The following OSBPL9 variants were observed in gnomAD, a reference collection of about 807,000 sequenced individuals.
OSBPL9 encodes the protein oxysterol binding protein like 9, also known as oxysterol-binding protein-related protein 9.
A neutral mutation model predicts 106.6 loss-of-function variants in OSBPL9; 40 were observed. The ratio of observed to expected loss-of-function variants is 0.38; its 90% confidence interval spans 0.29 to 0.49. OSBPL9 has a LOEUF of 0.49. OSBPL9 is among the 20% of genes least tolerant of loss of function. OSBPL9 has a pLI of 0.97. For synonymous variants in OSBPL9, 269 were observed against 295.4 expected, an observed-to-expected ratio of 0.91 and a Z score of 0.92; for missense variants, 609 against 887.2, an observed-to-expected ratio of 0.69 and a Z score of 3.98.
At chr1:51,641,464 G>A (rs1377041967) in intron 1 of OSBPL9, among the ~76,000 whole-genome samples, 1 of 152,078 alleles carries the variant, frequency 6.6e-6, no homozygotes, top group Non-Finnish European at 1.5e-5. Flanking sequence ...CTCACATTAA[G>A]TAAGCCATAG....
At chr1:51,603,490 A>G (rs1300138509) in intron 2 of OSBPL9, among the ~76,000 whole-genome samples, 1 of 152,214 alleles carries the variant, frequency 6.6e-6, no homozygotes, top group Non-Finnish European at 1.5e-5. Context: ...ACAAAAACCC[A>G]GTGAGGTTCA....
chr1:51,616,996 A>C (rs540426998), upstream of OSBPL9: 118 of 1,496,510 alleles, frequency 7.9e-5, no homozygotes, highest in Middle Eastern at 1.2e-3. Context: ...ATCTGCCGGC[A>C]CCGCCCAGGA....
At chr1:51,713,108 AG>A (rs1660389834) in intron 3 of OSBPL9, among the ~76,000 whole-genome samples, 1 of 152,040 alleles carries the variant, frequency 6.6e-6, no homozygotes, top group Admixed American at 6.5e-5. Flanking sequence ...TGGCCTGAAA[AG>A]GCTTGTGTGG....
intron 1 of OSBPL9, among the ~76,000 whole-genome samples, chr1:51,634,744 C>T (rs576330923): frequency 1.3e-5 from 2 of 152,248 alleles, no homozygotes; most frequent in African/African-American, 4.8e-5. Flanking sequence ...CAGAGCCATA[C>T]CTGAGACTGG....
intron 2 of OSBPL9, among the ~76,000 whole-genome samples, chr1:51,658,515 A>G (rs1334000075): frequency 6.6e-6 from 1 of 152,224 alleles, no homozygotes; most frequent in East Asian, 1.9e-4. Flanking sequence ...TTTGAAAACT[A>G]TTAATCTACA....
At chr1:51,775,896 C>A (rs773350998) in intron 14 of OSBPL9, among the ~76,000 whole-genome samples, 47 of 152,274 alleles carry the variant, frequency 3.1e-4, no homozygotes, top group Non-Finnish European at 3.8e-4. Flanking sequence ...TAGGCACAAG[C>A]CAGTATGCCC....
At chr1:51,582,694 G>A (rs563392161) in intron 1 of OSBPL9, 1 of 152,046 alleles carries the variant, frequency 6.6e-6, no homozygotes, top group South Asian at 2.1e-4. Context: ...GTTTATTAAG[G>A]GTTTATTATG....
chr1:51,597,394 A>G (rs1262594722), intron 1 of OSBPL9, among the ~76,000 whole-genome samples: 2 of 149,358 alleles, frequency 1.3e-5, no homozygotes, highest in Non-Finnish European at 3.0e-5. Context: ...TCAGAGTCCT[A>G]TGGAATATAT....
chr1:51,762,026 TG>T, intron 11 of OSBPL9, 55 bp downstream of exon 11: 1 of 1,295,440 alleles, frequency 7.7e-7, no homozygotes, highest in Non-Finnish European at 1.1e-6. Flanking sequence ...ATTTGAGGTT[TG>T]TTTGTGACCT....
Position 51,664,682 on chromosome 1 carries a change from ACTCTGTTTCAAAAAT to A in OSBPL9, c.163-4751_163-4737del, listed in dbSNP as rs376550951. Among the ~76,000 whole-genome samples, 358 of 152,174 alleles carry A rather than the reference ACTCTGTTTCAAAAAT, an allele frequency of 2.4e-3. 1 individual carries two copies. Among genetic ancestry groups the A allele is most frequent in the African/African-American group, 8.3e-3 (343 of 41,506 alleles). ...AGTCCAACCTTGGCAACAGAGTAAG[ACTCTGTTTCAAAAAT>A]AAATAAATAAATAAATAAGTTCAAA... On this transcript the variant is annotated intron_variant, in intron 2 of 23. Coordinates refer to ENST00000428468, the MANE Select transcript of OSBPL9 (RefSeq NM_024586.6).
chr1:51,530,590 C>CA, the OSBPL9 span, among the ~76,000 whole-genome samples: 36 of 147,846 alleles, frequency 2.4e-4, no homozygotes, highest in South Asian at 6.4e-4. Context: ...GTCTCTTAAA[C>CA]AAAAAAAAAA....
Position 51,786,542 on chromosome 1 carries a change from T to C in OSBPL9, c.1925T>C (p.Val642Ala). The change falls in exon 22 of 24, where the codon GTA (valine) becomes GCA (alanine). Residue 642 changes from valine to alanine, a missense_variant. Val to Ala is a moderately conservative substitution (Grantham distance 64, BLOSUM62 0). This residue lies in a region of OSBPL9 where 132 missense variants were observed against 158.1 expected (regional missense o/e 0.83). Transcript: ENST00000428468. ...GTTTTCTAGGAAAATACAGTCTTTG[T>C]AGATACCAAGAAGTTGCCTATAATC... ...KYATGENTVF[V>A]DTKKLPIIKK... is the part of the protein sequence containing the mutation. 6.2e-7 allele frequency: 1 copy of C among 1,608,588 alleles called. No individual in the cohort carries two copies. Among genetic ancestry groups the C allele is most frequent in the East Asian group, 2.2e-5 (1 of 44,818 alleles).
At chr1:51,748,478 T>G (rs1382501349) in intron 7 of OSBPL9, 80 bp downstream of exon 7, 1 of 1,333,156 alleles carries the variant, frequency 7.5e-7, no homozygotes, top group Non-Finnish European at 9.8e-7. Flanking sequence ...GCTGCCACTA[T>G]TGATGACAGC....
In OSBPL9 at chr1:51,583,976, A is replaced by G. The variant is rs190425596; in HGVS notation, c.-423+6720A>G. ...CTGCTGTCACCATTAGCCCTCCCCC[A>G]TACCTGAACTAATGATCCCACAATT... On this transcript the variant is annotated intron_variant, in intron 1 of 25. Transcript: ENST00000371714. Among the ~76,000 whole-genome samples, 209 of 152,084 alleles carry G rather than the reference A, an allele frequency of 1.4e-3. 1 individual carries two copies. The highest frequency in any genetic ancestry group is 2.4e-3 in the Non-Finnish European group (164 of 67,988).
rs1039712918 is a variant in OSBPL9, at chr1:51,729,611, C to G, written c.318+15532C>G. 4.8e-6 allele frequency: 1 copy of G among 207,806 alleles called. No individual in the cohort carries two copies. Among genetic ancestry groups the G allele is most frequent in the Non-Finnish European group, 9.4e-6 (1 of 106,942 alleles). 12.9% of individuals were successfully genotyped at this position (207,806 alleles called of 1,614,324 possible). On this transcript the variant is annotated intron_variant, in intron 4 of 23. Transcript: ENST00000428468. The surrounding 1 kb of genome is among the most constrained non-coding windows in gnomAD (Gnocchi z 5.1). ...GGGCGGGGCGCTCCGGACGCCCTCC[C>G]GCCGCTGCGCACCCCTCCCGCGAGC...
At chr1:51,573,162 A>G (rs945547024), upstream of OSBPL9, among the ~76,000 whole-genome samples, 1 of 151,380 alleles carries the variant, frequency 6.6e-6, no homozygotes, top group Non-Finnish European at 1.5e-5. Flanking sequence ...CAGTGAGCCA[A>G]GATTGTGCCA....
intron 12 of OSBPL9, among the ~76,000 whole-genome samples, chr1:51,768,104 G>C (rs759839220): frequency 4.7e-4 from 71 of 151,944 alleles, no homozygotes; most frequent in South Asian, 1.3e-3. Flanking sequence ...ACCACGCCTG[G>C]CTAGTTTTTT....
intron 3 of OSBPL9, among the ~76,000 whole-genome samples, chr1:51,689,981 A>AC (rs1175764131): frequency 6.6e-6 from 1 of 152,096 alleles, no homozygotes. Context: ...TGCCAAAGCA[A>AC]CCTCCTTATT....
intron 2 of OSBPL9, among the ~76,000 whole-genome samples, chr1:51,660,797 G>A (rs1332017511): frequency 1.3e-5 from 2 of 152,128 alleles, no homozygotes; most frequent in East Asian, 3.8e-4. Context: ...TGTTCCTCCA[G>A]GGCATAGACA....
Sources: allele counts gnomAD v4.1 joint callset (sites outside exome capture counted in the v4.1 genomes callset), GRCh38; gene constraint gnomAD v4.1.1; regional missense constraint gnomAD v4.1.1; non-coding constraint Gnocchi (gnomAD v3.1); transcripts MANE v1.5; gene names NCBI Gene and HGNC (gene_info 2026-07-23, HGNC 2026-07-21).